Variants in GRM7 observed in about 807,000 individuals in gnomAD.
GRM7 encodes the protein glutamate metabotropic receptor 7.
GRM7 carries 35 observed loss-of-function variants against 84.5 expected under a neutral mutation model. The observed-to-expected ratio is 0.41, with a 90% CI of 0.32 to 0.55. The LOEUF (loss-of-function observed/expected upper bound fraction) is 0.55. Among genes scored for constraint, GRM7 ranks in the 20% least tolerant of loss-of-function variants. GRM7 has a pLI of 0.19. For missense variants in GRM7, 1,003 were observed against 1,194.6 expected, an observed-to-expected ratio of 0.84 and a Z score of 2.36; for synonymous variants, 487 against 455.1, an observed-to-expected ratio of 1.07 and a Z score of -0.89.
intron 7 of GRM7, among the ~76,000 whole-genome samples, chr3:7,535,759 A>G (rs1301422169): frequency 6.6e-6 from 1 of 152,212 alleles, no homozygotes; most frequent in African/African-American, 2.4e-5. Context: ...TTTACTCAAT[A>G]AAGATACCGT....
chr3:7,035,805 C>T (rs1268078567), intron 1 of GRM7, among the ~76,000 whole-genome samples: 1 of 151,936 alleles, frequency 6.6e-6, no homozygotes, highest in Admixed American at 6.6e-5. Context: ...TCAGAGTTAC[C>T]TTCCCTTCTC....
At chr3:7,099,334 TGTATTATACATGTATATATGTAC>T (rs1559438955) in intron 1 of GRM7, among the ~76,000 whole-genome samples, 6 of 147,884 alleles carry the variant, frequency 4.1e-5, no homozygotes, top group Non-Finnish European at 7.5e-5. Context: ...TATGTACACA[TGTATTATACATGTATATATGTAC>T]ACATGTATAC....
intron 8 of GRM7, among the ~76,000 whole-genome samples, chr3:7,634,372 T>C (rs193070739): frequency 6.6e-6 from 1 of 150,408 alleles, no homozygotes; most frequent in Non-Finnish European, 1.5e-5. Flanking sequence ...AACAAAAACA[T>C]TGACAAGTGT....
intron 7 of GRM7, among the ~76,000 whole-genome samples, chr3:7,573,239 T>C (rs958253699): frequency 2.0e-5 from 3 of 149,226 alleles, no homozygotes; most frequent in African/African-American, 7.4e-5. Flanking sequence ...TGTATTTTAA[T>C]GAACAAATGG....
chr3:7,091,842 T>C (rs1019723104), intron 1 of GRM7, among the ~76,000 whole-genome samples: 2 of 151,282 alleles, frequency 1.3e-5, no homozygotes, highest in Non-Finnish European at 2.9e-5. Context: ...TGGTACTTTA[T>C]GTGAAGTTTT....
intron 7 of GRM7, among the ~76,000 whole-genome samples, chr3:7,481,107 C>T (rs1429171583): frequency 2.7e-5 from 4 of 150,570 alleles, no homozygotes; most frequent in African/African-American, 9.8e-5. Context: ...GAGACAGGAT[C>T]TTGCTCTATT....
chr3:7,389,451 G>C (rs1694906437), intron 4 of GRM7, among the ~76,000 whole-genome samples: 1 of 152,038 alleles, frequency 6.6e-6, no homozygotes. Flanking sequence ...CTAATGCTTT[G>C]ATGGGTGTGT....
At chr3:7,103,524 A>G (rs897960310) in intron 1 of GRM7, among the ~76,000 whole-genome samples, 51 of 151,828 alleles carry the variant, frequency 3.4e-4, no homozygotes, top group African/African-American at 1.1e-3. Context: ...TTTTGGGCCA[A>G]TGTTTCCATT....
chr3:7,706,649 A>G (rs1701398643), intron 9 of GRM7, among the ~76,000 whole-genome samples: 1 of 152,220 alleles, frequency 6.6e-6, no homozygotes. Context: ...TAGACATGTT[A>G]CTTTCCTGTA....
chr3:7,430,207 A>G (rs888881149), intron 5 of GRM7, among the ~76,000 whole-genome samples: 3 of 152,248 alleles, frequency 2.0e-5, no homozygotes. Flanking sequence ...GTTGCAGCCT[A>G]TAGAATCTTT....
At chr3:7,463,679 G>A (rs1395986919) in intron 7 of GRM7, among the ~76,000 whole-genome samples, 6 of 152,148 alleles carry the variant, frequency 3.9e-5, no homozygotes, top group African/African-American at 1.4e-4. Context: ...AGAGAAGCCA[G>A]CAAAGTGAAA....
intron 4 of GRM7, among the ~76,000 whole-genome samples, chr3:7,394,243 G>T (rs778916625): frequency 6.6e-6 from 1 of 152,100 alleles, no homozygotes; most frequent in Non-Finnish European, 1.5e-5. Flanking sequence ...GACTTCAGTT[G>T]GTTCTGCTAT....
chr3:6,997,565 T>C (rs1694867470), intron 1 of GRM7, among the ~76,000 whole-genome samples: 1 of 152,176 alleles, frequency 6.6e-6, no homozygotes, highest in Non-Finnish European at 1.5e-5. Flanking sequence ...ACTGCCCCCA[T>C]GATTCAATTA....
intron 8 of GRM7, among the ~76,000 whole-genome samples, chr3:7,638,940 AT>A (rs1698233689): frequency 1.3e-5 from 2 of 152,210 alleles, no homozygotes; most frequent in African/African-American, 4.8e-5. Context: ...CAGCTGTTGA[AT>A]ATGTGTCCAA....
At chr3:7,627,559 T>TG in intron 8 of GRM7, among the ~76,000 whole-genome samples, 1 of 152,224 alleles carries the variant, frequency 6.6e-6, no homozygotes. Context: ...TAGCCAGAGT[T>TG]GAAAGCTTAT....
chr3:7,344,801 G>A (rs1234626902), intron 4 of GRM7, among the ~76,000 whole-genome samples: 1 of 152,088 alleles, frequency 6.6e-6, no homozygotes, highest in African/African-American at 2.4e-5. Context: ...GAAGAGGTTG[G>A]TTAATGGAAG....
At chr3:7,738,949 G>T (rs1323735798) in intron 9 of GRM7, among the ~76,000 whole-genome samples, 3 of 152,112 alleles carry the variant, frequency 2.0e-5, no homozygotes, top group Non-Finnish European at 2.9e-5. Flanking sequence ...CTTCCTGGAA[G>T]ATTTGGGCAT....
intron 1 of GRM7, among the ~76,000 whole-genome samples, chr3:6,870,591 A>T (rs1695089907): frequency 6.6e-6 from 1 of 152,178 alleles, no homozygotes; most frequent in African/African-American, 2.4e-5. Flanking sequence ...CTCTTGTTCT[A>T]AAAGGACAAT....
intron 7 of GRM7, among the ~76,000 whole-genome samples, chr3:7,510,298 T>A (rs577402346): frequency 6.6e-6 from 1 of 152,316 alleles, no homozygotes; most frequent in African/African-American, 2.4e-5. Flanking sequence ...ACATTCTGTA[T>A]AGCCACAGAT....
Sources: gnomAD v4.1 joint callset for allele counts (sites outside exome capture counted in the v4.1 genomes callset) on GRCh38, gnomAD v4.1.1 for gene constraint, MANE v1.5 for transcripts, NCBI Gene and HGNC (gene_info 2026-07-23, HGNC 2026-07-21) for gene names.